KLB: variants seen among roughly 807,000 people sequenced by gnomAD.
The protein encoded by KLB is beta-klotho.
In KLB, 44 loss-of-function variants were observed where a neutral mutation model predicts 88.4. That is an observed-to-expected ratio of 0.50 (90% CI 0.39 to 0.64). The LOEUF is 0.64. KLB is among the 30% of genes least tolerant of loss of function. KLB has a pLI of 0.00. For synonymous variants in KLB, 548 were observed against 513.4 expected (o/e 1.07, Z -0.91); for missense variants, 1,137 against 1,304.8 (o/e 0.87, Z 1.98).
chr4:39,426,914 C>T (rs2109830005), intron 1 of KLB, among the ~76,000 whole-genome samples: 1 of 152,158 alleles, frequency 6.6e-6, no homozygotes. Context: ...GTCTTGAACT[C>T]CTGGCCTCAA....
At chr4:39,414,390 C>G (rs569348087) in intron 1 of KLB, among the ~76,000 whole-genome samples, 1 of 151,550 alleles carries the variant, frequency 6.6e-6, no homozygotes, top group Non-Finnish European at 1.5e-5. Context: ...TTTGGCTTTT[C>G]ACATATCGAG....
intron 3 of KLB, among the ~76,000 whole-genome samples, chr4:39,445,681 T>C (rs1331798602): frequency 1.1e-5 from 1 of 88,448 alleles, no homozygotes; most frequent in Admixed American, 1.5e-4. Flanking sequence ...ATCTTGTTTT[T>C]TTGTTTTTTT....
chr4:39,407,218 G>T lies in KLB; in HGVS notation c.269G>T (p.Gly90Val). The T allele has an allele frequency of 6.2e-7, 1 of 1,614,052 alleles. No individual in the cohort carries two copies. Among genetic ancestry groups the T allele is most frequent in the Non-Finnish European group, 8.5e-7 (1 of 1,180,002 alleles). The change falls in exon 1 of 5, where the codon GGG becomes GTG. Residue 90 changes from glycine to valine, a missense_variant. Gly to Val is a moderately radical substitution (Grantham distance 109, BLOSUM62 -3). This residue lies in a region of KLB where 111 missense variants were observed against 118.3 expected (regional missense o/e 0.94). Transcript: ENST00000257408. The stretch of plus-strand genomic sequence containing the variant: ...CCTAAAAACTTTTTCTGGGGTATTG[G>T]GACTGGAGCATTGCAAGTGGAAGGG... The part of the protein sequence containing the change: ...TFPKNFFWGI[G>V]TGALQVEGSW...
chr4:39,437,043 C>G (rs1428495517), intron 2 of KLB, among the ~76,000 whole-genome samples: 2 of 152,164 alleles, frequency 1.3e-5, no homozygotes, highest in Non-Finnish European at 2.9e-5. Flanking sequence ...TACACAATTC[C>G]TACAAGTTAC....
rs752264280 is a variant in KLB, at chr4:39,448,580, T to C, written c.3029T>C (p.Leu1010Pro). The C allele has an allele frequency of 4.3e-6, 7 of 1,614,106 alleles. No individual in the cohort carries two copies. In the African/African-American group the frequency reaches 9.3e-5, roughly 22 times the overall value. ...LGCCFFSTLV[L>P]LLSIAIFQRQ... ...TGTTGCTTCTTCTCCACCCTGGTTC[T>C]ACTCTTATCAATTGCCATTTTTCAA... Residue 1010 changes from leucine (L) to proline (P), a missense_variant, in exon 5 of 5, where the codon CTA becomes CCA. Leu to Pro is a moderately conservative substitution (Grantham distance 98). Around this residue, in one of 4 missense-constraint regions of KLB, gnomAD observed 426 missense variants for 404.6 expected, o/e 1.05. Coordinates refer to ENST00000257408, the MANE Select transcript of KLB (RefSeq NM_175737.4).
chr4:39,434,731 C>T lies in KLB; in HGVS notation c.1336+11C>T. 1 of 1,572,410 alleles carries T rather than the reference C, an allele frequency of 6.4e-7. No homozygotes were observed. The highest frequency in any genetic ancestry group is 8.6e-7 in the Non-Finnish European group (1 of 1,162,384). ...GCCAGGTGCTTCAAGGTTGGTTGTA[C>T]ACTTGCTTAATTTTTTAAAAATTCT... is the stretch of plus-strand genomic sequence containing the variant. On this transcript the variant is annotated intron_variant, in intron 2 of 4. Coordinates refer to ENST00000257408, the MANE Select transcript of KLB (RefSeq NM_175737.4).
Position 39,438,010 on chromosome 4 carries a change from C to G in KLB, c.1605+15C>G. On this transcript the variant is annotated intron_variant, in intron 3 of 4. Coordinates refer to ENST00000257408, the MANE Select transcript of KLB (RefSeq NM_175737.4). ...CTGTTCTTAAGGTAAGTGGTTACTT[C>G]CAAATTAACCATAAACTGGGAAAAA... 6.2e-7 allele frequency: 1 copy of G among 1,602,436 alleles called. No homozygotes were observed. Among genetic ancestry groups the G allele is most frequent in the Non-Finnish European group, 8.5e-7 (1 of 1,173,644 alleles).
chr4:39,420,324 G>A (rs564147312), intron 1 of KLB, among the ~76,000 whole-genome samples: 48 of 152,184 alleles, frequency 3.2e-4, no homozygotes, highest in Middle Eastern at 3.4e-3. Flanking sequence ...TATAATACAT[G>A]ACTCCTCCTT....
intron 1 of KLB, among the ~76,000 whole-genome samples, chr4:39,432,614 G>A (rs1743388153): frequency 6.6e-6 from 1 of 152,032 alleles, no homozygotes; most frequent in Admixed American, 6.6e-5. Flanking sequence ...AACTTTCTGA[G>A]GGTAAGTTCC....
chr4:39,417,801 T>A (rs1029865806), intron 1 of KLB, among the ~76,000 whole-genome samples: 4 of 152,218 alleles, frequency 2.6e-5, no homozygotes, highest in Non-Finnish European at 5.9e-5. Context: ...AATTCACTCA[T>A]CAGCTTTGCC....
In KLB at chr4:39,448,282, A is replaced by G. The variant is rs772616107; in HGVS notation, c.2750-19A>G. 1.0e-5 allele frequency: 16 copies of G among 1,524,938 alleles called. No individual in the cohort carries two copies. Among genetic ancestry groups the G allele is most frequent in the Non-Finnish European group, 1.4e-5 (16 of 1,130,354 alleles). The allele number at this position is 1,524,938 out of a possible 1,614,324, so 94.5% of individuals were successfully genotyped here. A position where few individuals can be genotyped will look rare whatever the true frequency, so the allele number is the denominator to read the frequency against. On this transcript the variant is annotated intron_variant, in intron 4 of 4. Transcript: ENST00000257408. ...TCATAGTCCATTTGTGATTAATGTT[A>G]ATTTCTTATCTTTTTCAGCATACCT...
In KLB at chr4:39,448,733, C is replaced by T; in HGVS notation, c.*47C>T. The T allele has an allele frequency of 6.5e-7, 1 of 1,538,464 alleles. No individual in the cohort carries two copies. ...ACAGTTTAAAAATTCATCCCAGTTCCATATGCTGGTAACTTACAGGAGATA... is the reference window on the plus strand; with the variant it reads ...ACAGTTTAAAAATTCATCCCAGTTCTATATGCTGGTAACTTACAGGAGATA... On this transcript the variant is annotated 3_prime_UTR_variant, in exon 5 of 5. Coordinates refer to ENST00000257408, the MANE Select transcript of KLB (RefSeq NM_175737.4).
chr4:39,445,819 G>A (rs1028247749), intron 3 of KLB, among the ~76,000 whole-genome samples: 1 of 151,758 alleles, frequency 6.6e-6, no homozygotes, highest in Non-Finnish European at 1.5e-5. Context: ...ACCGCGCCCG[G>A]CCTGGATTTT....
intron 1 of KLB, 61 bp downstream of exon 1, chr4:39,407,835 C>T: frequency 5.0e-6 from 5 of 1,002,156 alleles, no homozygotes; most frequent in Non-Finnish European, 7.1e-6. Flanking sequence ...AAGAATTTAC[C>T]TTCTGCCTCA....
chr4:39,419,770 T>C (rs1325824637), intron 1 of KLB, among the ~76,000 whole-genome samples: 2 of 112,568 alleles, frequency 1.8e-5, no homozygotes, highest in East Asian at 2.2e-4. Flanking sequence ...AGCAATTCCA[T>C]CTCAAAAAAA....
intron 3 of KLB, among the ~76,000 whole-genome samples, chr4:39,441,431 G>A (rs971428005): frequency 6.6e-6 from 1 of 152,052 alleles, no homozygotes; most frequent in African/African-American, 2.4e-5. Flanking sequence ...AGATATAAGA[G>A]TTTCTTTGCC....
rs147654941 is a variant in KLB at position 39,421,373 on chromosome 4, G to A, written c.826-12837G>A. 3.9e-5 allele frequency among the ~76,000 whole-genome samples: 6 copies of A among 152,306 alleles called. No homozygotes were observed. The East Asian group carries it at 7.7e-4, about 20-fold the overall frequency. Reference sequence around the variant, plus strand: ...CTTTGTGTAATGAACAGGATGAAACGTAAGGTAATGCTGATGAATTCTCCA... The same window carrying A: ...CTTTGTGTAATGAACAGGATGAAACATAAGGTAATGCTGATGAATTCTCCA... On this transcript the variant is annotated intron_variant, in intron 1 of 4. Transcript: ENST00000257408.
At chr4:39,420,173 A>G (rs1743050242) in intron 1 of KLB, among the ~76,000 whole-genome samples, 1 of 152,032 alleles carries the variant, frequency 6.6e-6, no homozygotes, top group African/African-American at 2.4e-5. Flanking sequence ...AGGTTGGTGA[A>G]AGCCAGGATC....
In KLB at chr4:39,447,157, A is replaced by T. The variant is rs762862555; in HGVS notation, c.2431A>T (p.Arg811Trp). ...SALPRLTEAERRLLKGTVDFC... is the reference protein window; with the variant it reads ...SALPRLTEAEWRLLKGTVDFC... ...CCTGCCGCGCCTCACCGAGGCCGAAAGGAGGCTGCTCAAGGGCACGGTCGA... is the reference window on the plus strand; with the variant it reads ...CCTGCCGCGCCTCACCGAGGCCGAATGGAGGCTGCTCAAGGGCACGGTCGA... The change falls in exon 4 of 5, where the codon AGG becomes TGG. Residue 811 changes from arginine (R) to tryptophan (W), a missense_variant. This residue lies in a region of KLB where 426 missense variants were observed against 404.6 expected (regional missense o/e 1.05). Coordinates refer to ENST00000257408, the MANE Select transcript of KLB (RefSeq NM_175737.4). 5.6e-6 allele frequency: 9 copies of T among 1,613,792 alleles called. No individual in the cohort carries two copies. The Admixed American group carries it at 1.5e-4, about 27-fold the overall frequency.
Sources: allele counts gnomAD v4.1 joint callset (sites outside exome capture counted in the v4.1 genomes callset), GRCh38; gene constraint gnomAD v4.1.1; regional missense constraint gnomAD v4.1.1; transcripts MANE v1.5; gene names NCBI Gene and HGNC (gene_info 2026-07-23, HGNC 2026-07-21).